WIPI2: variants seen among roughly 807,000 people sequenced by gnomAD.
WIPI2 encodes the protein WD repeat domain phosphoinositide-interacting protein 2.
Under a neutral mutation model 52.3 loss-of-function variants are expected in WIPI2, and 28 were observed. The ratio of observed to expected loss-of-function variants is 0.54; its 90% CI spans 0.40 to 0.73. The LOEUF (loss-of-function observed/expected upper bound fraction) is 0.73, where lower values mean the gene tolerates loss of function less well. Among genes scored for constraint, WIPI2 ranks in the 30% least tolerant of loss-of-function variants. WIPI2 has a pLI of 0.00. For missense variants in WIPI2, 506 were observed against 602.9 expected (o/e 0.84, Z 1.68); for synonymous variants, 268 against 245.0 (o/e 1.09, Z -0.88).
chr7:5,217,502 G>A, intron 6 of WIPI2: 2 of 392,940 alleles, frequency 5.1e-6, no homozygotes, highest in Non-Finnish European at 4.8e-6. Context: ...TTGCTGGGTT[G>A]CCCAGGCTGG....
intron 7 of WIPI2, among the ~76,000 whole-genome samples, chr7:5,219,224 C>T (rs1782969485): frequency 6.6e-6 from 1 of 152,192 alleles, no homozygotes; most frequent in East Asian, 1.9e-4. Context: ...AGCGGTGTGC[C>T]CGGGGCCGCC....
chr7:5,226,926 C>A, intron 9 of WIPI2: 1 of 501,628 alleles, frequency 2.0e-6, no homozygotes, highest in African/African-American at 1.9e-5. Flanking sequence ...TGGTCAGCTG[C>A]CACGTCTTGT....
In WIPI2 at chr7:5,217,913, C is replaced by T. The variant is rs1323875495; in HGVS notation, c.577-9C>T. The T allele has an allele frequency of 1.2e-6, 2 of 1,614,060 alleles. No homozygotes were observed. The highest frequency in any genetic ancestry group is 2.2e-5 in the South Asian group (2 of 91,076). On this transcript the variant is annotated splice_polypyrimidine_tract_variant and intron_variant, in intron 6 of 12. Coordinates refer to ENST00000288828, the MANE Select transcript of WIPI2 (RefSeq NM_015610.4). ...CGGTGGCCACTCTTTATTGGTGTCC[C>T]TTTTTCAGAGAGCTGCAAACATGAT...
chr7:5,203,285 C>T (rs1162474776), intron 3 of WIPI2, among the ~76,000 whole-genome samples: 9 of 152,296 alleles, frequency 5.9e-5, no homozygotes, highest in South Asian at 4.1e-4. Context: ...AAACCACGAG[C>T]GTCCCTTGGC....
intron 4 of WIPI2, 53 bp from the exon 5 acceptor site, chr7:5,216,510 G>T (rs1782819572): frequency 2.2e-6 from 3 of 1,390,804 alleles, no homozygotes; most frequent in Non-Finnish European, 2.0e-6. Flanking sequence ...GATTGGGGCA[G>T]GTATTGCACT....
rs773138072 is a variant in WIPI2 at position 5,229,689 on chromosome 7, C to T, written c.1203C>T (p.Gly401=). ...GCCCCTTAGTCACTCAGACATACGGCGCAGCTGCAGGAAAAGGTACTTACG... is the reference window on the plus strand; with the variant it reads ...GCCCCTTAGTCACTCAGACATACGGTGCAGCTGCAGGAAAAGGTACTTACG... ...HDCPLVTQTY[G]AAAGKGTYVP... The change falls in exon 12 of 13, where the codon GGC becomes GGT. Residue 401 remains glycine, a synonymous_variant. Transcript: ENST00000288828. 26 of 1,613,950 alleles carry T rather than the reference C, an allele frequency of 1.6e-5. No individual in the cohort carries two copies. The highest frequency in any genetic ancestry group is 8.8e-5 in the South Asian group (8 of 91,076).
intron 3 of WIPI2, among the ~76,000 whole-genome samples, chr7:5,204,043 C>T (rs1782174984): frequency 6.6e-6 from 1 of 152,232 alleles, no homozygotes; most frequent in African/African-American, 2.4e-5. Flanking sequence ...ATTATTATGG[C>T]ATCTTTCACC....
At chr7:5,209,383 A>AAAT (rs1372575262) in intron 3 of WIPI2, among the ~76,000 whole-genome samples, 1 of 152,202 alleles carries the variant, frequency 6.6e-6, no homozygotes, top group Non-Finnish European at 1.5e-5. Context: ...GGAAGAGATC[A>AAAT]AATATCTTCA....
At chr7:5,216,258 C>T in intron 4 of WIPI2, 1 of 237,478 alleles carries the variant, frequency 4.2e-6, no homozygotes, top group South Asian at 6.3e-5. Flanking sequence ...ATGGTGAAAC[C>T]CCATCTCTAC....
intron 1 of WIPI2, among the ~76,000 whole-genome samples, chr7:5,192,747 A>T (rs1025204349): frequency 6.6e-6 from 1 of 152,188 alleles, no homozygotes; most frequent in African/African-American, 2.4e-5. Context: ...AGAAATAGAG[A>T]AGTTCCCGGA....
rs968189641 is a variant in WIPI2, at chr7:5,199,426, A to G, written c.129-150A>G. ...CATCTTCCTGTGCCAAGCACTTGATACAAACAGTGTGAAATGATTTGCTCT... is the reference window on the plus strand; with the variant it reads ...CATCTTCCTGTGCCAAGCACTTGATGCAAACAGTGTGAAATGATTTGCTCT... On this transcript the variant is annotated intron_variant, in intron 2 of 12. Transcript: ENST00000288828. The G allele has an allele frequency of 9.3e-6, 6 of 644,380 alleles. No individual in the cohort carries two copies. In the African/African-American group the frequency reaches 1.1e-4, roughly 12 times the overall value. The allele number at this position is 644,380 out of a possible 1,614,324, so 39.9% of individuals were successfully genotyped here.
intron 5 of WIPI2, 83 bp downstream of exon 5, chr7:5,216,742 T>C: frequency 1.0e-5 from 14 of 1,369,862 alleles, no homozygotes; most frequent in Non-Finnish European, 1.4e-5. Flanking sequence ...ATTTTTTCTT[T>C]TTATAGGTTC....
intron 3 of WIPI2, among the ~76,000 whole-genome samples, chr7:5,202,635 C>G (rs1454252183): frequency 1.3e-5 from 2 of 152,294 alleles, no homozygotes; most frequent in East Asian, 3.9e-4. Flanking sequence ...GTCCTCCCAC[C>G]TCAGCCTCCC....
chr7:5,212,539 AG>A (rs1782608205), intron 3 of WIPI2, among the ~76,000 whole-genome samples: 1 of 152,146 alleles, frequency 6.6e-6, no homozygotes, highest in Non-Finnish European at 1.5e-5. Context: ...TTTTTGGGGC[AG>A]GACTGGTATT....
At chr7:5,225,746 C>G (rs1263091889) in intron 8 of WIPI2, 77 bp from the exon 9 acceptor site, 1 of 1,041,384 alleles carries the variant, frequency 9.6e-7, no homozygotes, top group African/African-American at 1.6e-5. Context: ...GACAGGAACT[C>G]TTCTCCGCCA....
At chr7:5,211,509 C>T (rs1002989295) in intron 3 of WIPI2, among the ~76,000 whole-genome samples, 2 of 152,268 alleles carry the variant, frequency 1.3e-5, no homozygotes, top group Middle Eastern at 3.4e-3. Context: ...TGTCTACGGA[C>T]GGCTGTAAAA....
Position 5,233,010 on chromosome 7 carries a change from C to T in WIPI2, c.*2063C>T, listed in dbSNP as rs1048334867. On this transcript the variant is annotated 3_prime_UTR_variant, in exon 13 of 13. Transcript: ENST00000288828. ...AGTTGCAGAGGAGGCCTCGGACGTC[C>T]TGTGACCCTCGGCCCACACTCCCCC... is the stretch of plus-strand genomic sequence containing the variant. 2.0e-5 allele frequency: 3 copies of T among 152,336 alleles called. No individual in the cohort carries two copies. The highest frequency in any genetic ancestry group is 4.4e-5 in the Non-Finnish European group (3 of 68,120). The allele number at this position is 152,336 out of a possible 1,614,324, so 9.4% of individuals were successfully genotyped here. A position where few individuals can be genotyped will look rare whatever the true frequency, so the allele number is the denominator to read the frequency against.
rs185582603 is a variant in WIPI2 at position 5,190,909 on chromosome 7, C to G, written c.74+416C>G. 5.2e-3 allele frequency: 861 copies of G among 166,394 alleles called. 7 individuals are homozygous for G. Among genetic ancestry groups the G allele is most frequent in the African/African-American group, 0.02 (834 of 42,126 alleles). 10.3% of individuals were successfully genotyped at this position (166,394 alleles called of 1,614,324 possible). On this transcript the variant is annotated intron_variant, in intron 1 of 12. Coordinates refer to ENST00000288828, the MANE Select transcript of WIPI2 (RefSeq NM_015610.4). ...GCTTGCTCAGCGTCTCCCACTCACT[C>G]TCCTTTGAATCAGGCCCTTCTCCTT...
In WIPI2 at chr7:5,224,306, T is replaced by C. The variant is rs760874665; in HGVS notation, c.741-1517T>C. ...AGTGTCGCCCTCGAGGAGGCCTTTT[T>C]TTGATCCTTGGGTTAAATCCCTTTC... On this transcript the variant is annotated intron_variant, in intron 8 of 12. Transcript: ENST00000288828. 2.0e-5 allele frequency among the ~76,000 whole-genome samples: 3 copies of C among 152,356 alleles called. No homozygotes were observed. The East Asian group carries it at 5.8e-4, about 29-fold the overall frequency.
Sources: allele counts gnomAD v4.1 joint callset (sites outside exome capture counted in the v4.1 genomes callset), GRCh38; gene constraint gnomAD v4.1.1; transcripts MANE v1.5; gene names NCBI Gene and HGNC (gene_info 2026-07-23, HGNC 2026-07-21).